Variants in CRISP1 observed in about 807,000 individuals in gnomAD.
CRISP1 encodes the protein cysteine-rich secretory protein 1.
Under a neutral mutation model 33.1 loss-of-function variants are expected in CRISP1, and 44 were observed. The observed-to-expected ratio is 1.33, with a 90% confidence interval of 1.05 to 1.71. The LOEUF (loss-of-function observed/expected upper bound fraction) is 1.71. Among genes scored for constraint, CRISP1 ranks in the 40% most tolerant of loss-of-function variants. CRISP1 has a pLI of 0.00. For synonymous variants in CRISP1, 103 were observed against 98.7 expected, an observed-to-expected ratio of 1.04 and a Z score of -0.26; for missense variants, 390 against 301.2, an observed-to-expected ratio of 1.29 and a Z score of -2.18.
At chr6:49,869,301 G>C (rs115019548), upstream of CRISP1, among the ~76,000 whole-genome samples, 2 of 152,110 alleles carry the variant, frequency 1.3e-5, no homozygotes, top group African/African-American at 2.4e-5. Flanking sequence ...TTGCTCTCCA[G>C]ATTGGCCTTT....
At chr6:49,852,205 G>T in intron 2 of CRISP1, 76 bp from the exon 3 acceptor site, 2 of 1,358,700 alleles carry the variant, frequency 1.5e-6, no homozygotes, top group Non-Finnish European at 2.0e-6. Context: ...AGACCTATAG[G>T]TAATGCAAAT....
intron 1 of CRISP1, among the ~76,000 whole-genome samples, chr6:49,866,076 G>T (rs2127478488): frequency 6.6e-6 from 1 of 152,168 alleles, no homozygotes. Flanking sequence ...TAATTCTTTT[G>T]GCAGCATTTT....
intron 1 of CRISP1, among the ~76,000 whole-genome samples, chr6:49,876,086 A>G (rs888601829): frequency 3.3e-5 from 5 of 152,210 alleles, no homozygotes; most frequent in African/African-American, 1.2e-4. Flanking sequence ...CAGCAAAAGA[A>G]ACTATCATCA....
chr6:49,867,612 T>C (rs1771828950), upstream of CRISP1, among the ~76,000 whole-genome samples: 1 of 151,974 alleles, frequency 6.6e-6, no homozygotes, highest in Non-Finnish European at 1.5e-5. Flanking sequence ...GATAGAACTT[T>C]CTGGTCTTGT....
chr6:49,835,082 A>G lies in CRISP1; in HGVS notation c.*234T>C, dbSNP rs952396237. On this transcript the variant is annotated 3_prime_UTR_variant, in exon 8 of 8. Transcript: ENST00000335847. ...GTTGAATTATGCCAACTTAAAAACT[A>G]TAAATCACATGATTTAAATTTAAGG... 20 of 387,740 alleles carry G rather than the reference A, an allele frequency of 5.2e-5. No individual in the cohort carries two copies. Among genetic ancestry groups the G allele is most frequent in the African/African-American group, 8.3e-5 (4 of 48,272 alleles). The allele number at this position is 387,740 out of a possible 1,614,324, so 24.0% of individuals were successfully genotyped here.
At chr6:49,849,689 T>C (rs1324773010) in intron 3 of CRISP1, among the ~76,000 whole-genome samples, 7 of 152,162 alleles carry the variant, frequency 4.6e-5, no homozygotes, top group Admixed American at 6.6e-5. Flanking sequence ...TTAGACTGTT[T>C]GGAGGACACT....
At chr6:49,869,867 C>T (rs1011472140), upstream of CRISP1, among the ~76,000 whole-genome samples, 11 of 152,086 alleles carry the variant, frequency 7.2e-5, no homozygotes, top group African/African-American at 2.2e-4. Flanking sequence ...CCTTCAATCT[C>T]GTTTATAAGG....
Position 49,855,153 on chromosome 6 carries a change from C to T in CRISP1, c.66+2182G>A, listed in dbSNP as rs546525739. On this transcript the variant is annotated intron_variant, in intron 2 of 7. Coordinates refer to ENST00000335847, the MANE Select transcript of CRISP1 (RefSeq NM_001131.3). ...TCTTTCCTTTCTTTGCTTCTTTCAC[C>T]TGGACTGATTGTGGCTACTGTCTAG... Among the ~76,000 whole-genome samples, 20 of 152,190 alleles carry T rather than the reference C, an allele frequency of 1.3e-4. 2 individuals are homozygous for T. The South Asian group carries it at 3.9e-3, about 30-fold the overall frequency.
At chr6:49,843,009 G>A (rs182311380) in intron 5 of CRISP1, among the ~76,000 whole-genome samples, 4 of 152,258 alleles carry the variant, frequency 2.6e-5, no homozygotes, top group East Asian at 3.9e-4. Flanking sequence ...AAGTGACACC[G>A]ATTCACTTTG....
chr6:49,836,131 CTATT>C (rs1036818733), intron 7 of CRISP1, among the ~76,000 whole-genome samples: 29 of 152,238 alleles, frequency 1.9e-4, no homozygotes, highest in African/African-American at 6.0e-4. Context: ...ACCAATGTAT[CTATT>C]TGTCTCTATA....
At chr6:49,860,858 G>A (rs753619887) in intron 1 of CRISP1, among the ~76,000 whole-genome samples, 28 of 151,734 alleles carry the variant, frequency 1.8e-4, no homozygotes, top group African/African-American at 1.7e-4. Flanking sequence ...CCAATAGGCC[G>A]AGTAACCAAG....
At chr6:49,847,620 C>A (rs946691781) in intron 4 of CRISP1, among the ~76,000 whole-genome samples, 5 of 152,142 alleles carry the variant, frequency 3.3e-5, no homozygotes, top group African/African-American at 1.2e-4. Flanking sequence ...AATGAAATCT[C>A]TTCTTAATAA....
chr6:49,835,035 G>T lies in CRISP1; in HGVS notation c.*281C>A. The stretch of plus-strand genomic sequence containing the variant: ...ACCTATTTTAGCCCAGGTTACTGTT[G>T]AGGGACCCAGTTATACCATAAGTTG... On this transcript the variant is annotated 3_prime_UTR_variant, in exon 8 of 8. Transcript: ENST00000335847. 3.9e-6 allele frequency: 1 copy of T among 254,400 alleles called. No homozygotes were observed. The highest frequency in any genetic ancestry group is 7.4e-6 in the Non-Finnish European group (1 of 134,336). 15.8% of individuals were successfully genotyped at this position (254,400 alleles called of 1,614,324 possible). A position where few individuals can be genotyped will look rare whatever the true frequency, so the allele number is the denominator to read the frequency against.
At chr6:49,860,109 C>T (rs1348274445) in intron 1 of CRISP1, among the ~76,000 whole-genome samples, 1 of 152,052 alleles carries the variant, frequency 6.6e-6, no homozygotes, top group South Asian at 2.1e-4. Flanking sequence ...AATGGAGCAC[C>T]TAGATATATA....
At chr6:49,873,476 C>T (rs1173233152) in intron 1 of CRISP1, among the ~76,000 whole-genome samples, 4 of 152,032 alleles carry the variant, frequency 2.6e-5, no homozygotes, top group Non-Finnish European at 5.9e-5. Context: ...AGCAACCACC[C>T]TAAAATTTCC....
At chr6:49,873,610 C>A (rs886087879) in intron 1 of CRISP1, among the ~76,000 whole-genome samples, 4 of 151,992 alleles carry the variant, frequency 2.6e-5, no homozygotes, top group African/African-American at 9.6e-5. Context: ...TATTCATCAA[C>A]AAAATGGATC....
upstream of CRISP1, among the ~76,000 whole-genome samples, chr6:49,869,962 G>T (rs1771885306): frequency 6.6e-6 from 1 of 152,114 alleles, no homozygotes; most frequent in African/African-American, 2.4e-5. Context: ...CAGCTAGAAG[G>T]TGCCATCTAT....
intron 5 of CRISP1, among the ~76,000 whole-genome samples, chr6:49,844,811 C>G (rs1771106929): frequency 6.6e-6 from 1 of 152,136 alleles, no homozygotes. Context: ...TATCCTATGC[C>G]TGTCTTTCTG....
upstream of CRISP1, among the ~76,000 whole-genome samples, chr6:49,868,359 A>G (rs182758807): frequency 3.2e-3 from 485 of 152,310 alleles, 3 homozygotes; most frequent in Non-Finnish European, 3.6e-3. Flanking sequence ...ATAATCTGAC[A>G]CATTTATCTA....
Sources: gnomAD v4.1 joint callset for allele counts (sites outside exome capture counted in the v4.1 genomes callset) on GRCh38, gnomAD v4.1.1 for gene constraint, MANE v1.5 for transcripts, NCBI Gene and HGNC (gene_info 2026-07-23, HGNC 2026-07-21) for gene names.